TBL1X: variants seen among roughly 807,000 people sequenced by gnomAD.
TBL1X encodes F-box-like/WD repeat-containing protein TBL1X.
Under a neutral mutation model 50.7 loss-of-function variants are expected in TBL1X, and 10 were observed. That is an observed-to-expected ratio of 0.20 (90% CI 0.12 to 0.33). The LOEUF (loss-of-function observed/expected upper bound fraction) is 0.33, where lower values mean the gene tolerates loss of function less well. Among genes scored for constraint, TBL1X ranks in the 10% least tolerant of loss-of-function variants. TBL1X has a pLI of 1.00. For synonymous variants in TBL1X, 190 were observed against 214.7 expected, an observed-to-expected ratio of 0.88 and a Z score of 1.01; for missense variants, 340 against 504.4, an observed-to-expected ratio of 0.67 and a Z score of 3.12.
At chrX:9,544,483 G>GT (rs1373868184) in intron 2 of TBL1X, among the ~76,000 whole-genome samples, 65 of 105,786 alleles carry the variant, frequency 6.1e-4, no homozygotes, top group South Asian at 8.2e-4. Flanking sequence ...AAGTGAGTGG[G>GT]TTTTTTTTTT....
chrX:9,556,723 G>A (rs1331334867), intron 2 of TBL1X, among the ~76,000 whole-genome samples: 4 of 110,260 alleles, frequency 3.6e-5, no homozygotes, highest in Non-Finnish European at 7.6e-5. Context: ...TGCTAAAATC[G>A]AGGCATCTAC....
chrX:9,483,137 A>T (rs1157635790), intron 1 of TBL1X, among the ~76,000 whole-genome samples: 2 of 111,497 alleles, frequency 1.8e-5, no homozygotes, highest in Non-Finnish European at 3.8e-5. Flanking sequence ...AGAGTTATCC[A>T]GCCCCAAAAG....
At chrX:9,501,429 G>A (rs2082000697) in intron 1 of TBL1X, among the ~76,000 whole-genome samples, 1 of 112,020 alleles carries the variant, frequency 8.9e-6, no homozygotes, top group Admixed American at 9.4e-5. Context: ...GACTCAGACA[G>A]CTTTATGATT....
chrX:9,602,355 C>T (rs866263207), intron 2 of TBL1X, among the ~76,000 whole-genome samples: 1 of 107,906 alleles, frequency 9.3e-6, no homozygotes, highest in Admixed American at 9.9e-5. Flanking sequence ...TTTCTTTCTT[C>T]CTTTTTTTTT....
chrX:9,590,124 C>CT (rs2082491863), intron 2 of TBL1X, among the ~76,000 whole-genome samples: 1 of 112,080 alleles, frequency 8.9e-6, no homozygotes, highest in Non-Finnish European at 1.9e-5. Flanking sequence ...AGGGGATGTG[C>CT]TGACTATAGG....
At chrX:9,586,859 A>AG (rs2082472631) in intron 2 of TBL1X, among the ~76,000 whole-genome samples, 1 of 112,045 alleles carries the variant, frequency 8.9e-6, no homozygotes. Flanking sequence ...ATGATCACAC[A>AG]GTTGCACTCC....
At chrX:9,490,471 A>G (rs943288354) in intron 1 of TBL1X, among the ~76,000 whole-genome samples, 2 of 112,233 alleles carry the variant, frequency 1.8e-5, no homozygotes, top group African/African-American at 6.5e-5. Context: ...TGCACAGGAC[A>G]GCCCCCCTCA....
intron 2 of TBL1X, among the ~76,000 whole-genome samples, chrX:9,539,817 C>A (rs753906515): frequency 8.9e-6 from 1 of 111,994 alleles, no homozygotes; most frequent in Non-Finnish European, 1.9e-5. Flanking sequence ...CACTCCACCC[C>A]CTTCATTATC....
chrX:9,531,895 G>T (rs748469746), intron 2 of TBL1X, among the ~76,000 whole-genome samples: 1 of 110,481 alleles, frequency 9.1e-6, no homozygotes, highest in Non-Finnish European at 1.9e-5. Flanking sequence ...ACTACCACCC[G>T]GCTAATTTTT....
intron 1 of TBL1X, among the ~76,000 whole-genome samples, chrX:9,487,320 GC>G (rs1303574131): frequency 1.8e-5 from 2 of 110,199 alleles, no homozygotes; most frequent in Admixed American, 1.9e-4. Context: ...CTTCTCCCCA[GC>G]CCCCCTGGCA....
At chrX:9,545,063 G>A (rs1292319306) in intron 2 of TBL1X, among the ~76,000 whole-genome samples, 1 of 89,313 alleles carries the variant, frequency 1.1e-5, no homozygotes, top group Non-Finnish European at 2.1e-5. Context: ...CTGCAATGCA[G>A]TGGCATGAGA....
At chrX:9,711,828 G>A (rs766634275) in intron 16 of TBL1X, 52 bp downstream of exon 16, 1 of 1,129,921 alleles carries the variant, frequency 8.9e-7, no homozygotes, top group Non-Finnish European at 1.2e-6. Context: ...TGCCCAAATA[G>A]CCACGACTCC....
intron 2 of TBL1X, among the ~76,000 whole-genome samples, chrX:9,516,781 G>C (rs1384341550): frequency 8.9e-6 from 1 of 111,750 alleles, no homozygotes; most frequent in Non-Finnish European, 1.9e-5. Flanking sequence ...GCATACTTCT[G>C]GTTAAAAGTG....
At chrX:9,526,091 G>A (rs183668489) in intron 2 of TBL1X, among the ~76,000 whole-genome samples, 17 of 103,810 alleles carry the variant, frequency 1.6e-4, no homozygotes, top group African/African-American at 5.3e-4. Flanking sequence ...GAGAGAGAAC[G>A]TCTGTGCATG....
chrX:9,473,160 A>G (rs1249908211), intron 1 of TBL1X, among the ~76,000 whole-genome samples: 1 of 111,722 alleles, frequency 9.0e-6, no homozygotes, highest in Non-Finnish European at 1.9e-5. Flanking sequence ...AGGTGCTATA[A>G]AAGTCCAGGT....
At chrX:9,499,660 C>T (rs986383066) in intron 1 of TBL1X, among the ~76,000 whole-genome samples, 2 of 112,313 alleles carry the variant, frequency 1.8e-5, no homozygotes, top group African/African-American at 6.5e-5. Flanking sequence ...TCAAGGCTGT[C>T]TCATTTGATG....
intron 2 of TBL1X, among the ~76,000 whole-genome samples, chrX:9,590,387 GA>G (rs1185671694): frequency 1.0e-5 from 1 of 96,964 alleles, no homozygotes; most frequent in Non-Finnish European, 2.1e-5. Flanking sequence ...AAAGTCAGAT[GA>G]AAACACGAAT....
At chrX:9,644,095 T>C (rs943431749) in intron 3 of TBL1X, among the ~76,000 whole-genome samples, 2 of 112,315 alleles carry the variant, frequency 1.8e-5, no homozygotes, top group African/African-American at 6.5e-5. Context: ...AAAATCAGTG[T>C]CTTAGAGATA....
At chrX:9,495,390 G>A (rs1436634057) in intron 1 of TBL1X, among the ~76,000 whole-genome samples, 2 of 110,511 alleles carry the variant, frequency 1.8e-5, no homozygotes, top group South Asian at 3.8e-4. Flanking sequence ...GATGGGTTTC[G>A]GTTTCTTTTT....
Sources: gnomAD v4.1 joint callset for allele counts (sites outside exome capture counted in the v4.1 genomes callset) on GRCh38, gnomAD v4.1.1 for gene constraint, MANE v1.5 for transcripts, NCBI Gene and HGNC (gene_info 2026-07-23, HGNC 2026-07-21) for gene names.